Variants in SLC24A2 observed in about 807,000 individuals in gnomAD.
The protein encoded by SLC24A2 is solute carrier family 24 member 2.
SLC24A2 carries 36 observed loss-of-function variants against 62.0 expected under a neutral mutation model. The observed-to-expected ratio is 0.58, with a 90% CI of 0.44 to 0.77. SLC24A2 has a LOEUF of 0.77. Ranked by LOEUF, SLC24A2 falls within the 30% of genes least tolerant of loss-of-function variation. The pLI, the probability that SLC24A2 is intolerant of heterozygous loss-of-function variation, is 0.00. For synonymous variants in SLC24A2, 358 were observed against 294.0 expected (o/e 1.22, Z -2.23); for missense variants, 846 against 817.9 (o/e 1.03, Z -0.42).
chr9:20,268,502 G>A, the SLC24A2 span, among the ~76,000 whole-genome samples: 1 of 152,156 alleles, frequency 6.6e-6, no homozygotes, highest in African/African-American at 2.4e-5. Context: ...GGGTTTATAA[G>A]AAGAGGAAGA....
the SLC24A2 span, among the ~76,000 whole-genome samples, chr9:19,838,656 A>T: frequency 6.6e-6 from 1 of 152,062 alleles, no homozygotes; most frequent in Non-Finnish European, 1.5e-5. Flanking sequence ...AAAAGAAAAA[A>T]AAAAGTGTTT....
chr9:19,713,950 T>G (rs947441044), intron 2 of SLC24A2, among the ~76,000 whole-genome samples: 1 of 152,218 alleles, frequency 6.6e-6, no homozygotes, highest in African/African-American at 2.4e-5. Flanking sequence ...ATCCCCAAAC[T>G]GTTGGTAGAT....
the SLC24A2 span, among the ~76,000 whole-genome samples, chr9:20,257,611 T>C: frequency 6.6e-6 from 1 of 152,192 alleles, no homozygotes; most frequent in Non-Finnish European, 1.5e-5. Flanking sequence ...CCAGACTGAG[T>C]AGAGTTTGAA....
the SLC24A2 span, among the ~76,000 whole-genome samples, chr9:20,224,401 A>G: frequency 6.6e-6 from 1 of 152,072 alleles, no homozygotes; most frequent in South Asian, 2.1e-4. Context: ...TAACACATCC[A>G]ATCATAACCA....
At chr9:19,981,554 CT>C in the SLC24A2 span, among the ~76,000 whole-genome samples, 1 of 152,096 alleles carries the variant, frequency 6.6e-6, no homozygotes, top group Non-Finnish European at 1.5e-5. Context: ...TAAAAATCCC[CT>C]GTATCAGTGA....
At chr9:19,655,170 T>C (rs931780424) in intron 2 of SLC24A2, among the ~76,000 whole-genome samples, 1 of 152,244 alleles carries the variant, frequency 6.6e-6, no homozygotes, top group Admixed American at 6.5e-5. Flanking sequence ...AAAATAAGTA[T>C]CTATCACCCC....
At chr9:19,969,063 G>A in the SLC24A2 span, among the ~76,000 whole-genome samples, 1 of 151,928 alleles carries the variant, frequency 6.6e-6, no homozygotes, top group Non-Finnish European at 1.5e-5. Flanking sequence ...GCACGGAACT[G>A]AGGCAATTAA....
chr9:19,654,764 A>G (rs1818898661), intron 2 of SLC24A2, among the ~76,000 whole-genome samples: 1 of 152,122 alleles, frequency 6.6e-6, no homozygotes, highest in Non-Finnish European at 1.5e-5. Context: ...CATGATTGCA[A>G]TGATGTCCAA....
chr9:19,643,331 T>A (rs1440307059), intron 2 of SLC24A2, among the ~76,000 whole-genome samples: 1 of 152,224 alleles, frequency 6.6e-6, no homozygotes, highest in African/African-American at 2.4e-5. Flanking sequence ...GATGTTTTCA[T>A]GTTTTTTAAA....
At chr9:20,044,071 C>T in the SLC24A2 span, among the ~76,000 whole-genome samples, 2 of 152,096 alleles carry the variant, frequency 1.3e-5, no homozygotes. Context: ...GACCCTCTAC[C>T]AGCAAAAGAT....
At chr9:20,220,620 G>T in the SLC24A2 span, among the ~76,000 whole-genome samples, 51 of 152,124 alleles carry the variant, frequency 3.4e-4, no homozygotes, top group Non-Finnish European at 8.8e-5. Context: ...GCAGTTGGTT[G>T]GTTTGTTTGT....
intron 8 of SLC24A2, among the ~76,000 whole-genome samples, chr9:19,545,106 T>G (rs1834485106): frequency 6.6e-6 from 1 of 152,174 alleles, no homozygotes; most frequent in African/African-American, 2.4e-5. Context: ...CCCATATTTC[T>G]TGGAGGCTTT....
At chr9:19,857,079 A>G in the SLC24A2 span, among the ~76,000 whole-genome samples, 2,467 of 152,344 alleles carry the variant, frequency 0.016, 104 homozygotes, top group Admixed American at 0.092. Context: ...TGAAAAATCA[A>G]TCTCACTGGG....
chr9:19,653,534 CA>C (rs1209774316), intron 2 of SLC24A2, among the ~76,000 whole-genome samples: 1 of 152,154 alleles, frequency 6.6e-6, no homozygotes, highest in Non-Finnish European at 1.5e-5. Context: ...GTCTTCATTC[CA>C]ATAGCTTTCT....
Position 19,600,707 on chromosome 9 carries a change from G to A in SLC24A2, c.1079-3428C>T, listed in dbSNP as rs1836818864. ...GTGGTGTTGCTTAGCAATATCAGTGGTTACTGATTTCTGTCTTGTGAGGAG... is the reference window on the plus strand; with the variant it reads ...GTGGTGTTGCTTAGCAATATCAGTGATTACTGATTTCTGTCTTGTGAGGAG... On this transcript the variant is annotated intron_variant, in intron 4 of 10. Coordinates refer to ENST00000341998, the MANE Select transcript of SLC24A2 (RefSeq NM_020344.4). Among the ~76,000 whole-genome samples, 3 of 151,974 alleles carry A rather than the reference G, an allele frequency of 2.0e-5. No individual in the cohort carries two copies. The South Asian group carries it at 6.2e-4, about 32-fold the overall frequency.
intron 2 of SLC24A2, among the ~76,000 whole-genome samples, chr9:19,751,405 T>C (rs576086984): frequency 5.9e-5 from 9 of 152,200 alleles, no homozygotes; most frequent in African/African-American, 2.2e-4. Flanking sequence ...TGAGAATATT[T>C]TTTCAAAATT....
the SLC24A2 span, among the ~76,000 whole-genome samples, chr9:19,965,682 T>C: frequency 1.3e-5 from 2 of 152,206 alleles, no homozygotes; most frequent in Non-Finnish European, 1.5e-5. Context: ...TGCTATTTTA[T>C]ACCAATCACA....
chr9:19,920,813 G>C, the SLC24A2 span, among the ~76,000 whole-genome samples: 9 of 152,226 alleles, frequency 5.9e-5, no homozygotes, highest in East Asian at 1.7e-3. Flanking sequence ...GACGTGTATC[G>C]ATCGGGAGCC....
chr9:19,802,111 G>A, the SLC24A2 span, among the ~76,000 whole-genome samples: 1 of 152,170 alleles, frequency 6.6e-6, no homozygotes, highest in Non-Finnish European at 1.5e-5. Context: ...GTGAAATATT[G>A]TAGGATGTCT....
Sources: allele counts gnomAD v4.1 joint callset (sites outside exome capture counted in the v4.1 genomes callset), GRCh38; gene constraint gnomAD v4.1.1; transcripts MANE v1.5; gene names NCBI Gene and HGNC (gene_info 2026-07-23, HGNC 2026-07-21).